EFL1: variants seen among roughly 807,000 people sequenced by gnomAD.
EFL1 encodes the protein elongation factor-like GTPase 1.
In EFL1, 76 loss-of-function variants were observed where a neutral mutation model predicts 126.7. The observed-to-expected ratio is 0.60, with a 90% CI of 0.50 to 0.73. The LOEUF is 0.73. Among genes scored for constraint, EFL1 ranks in the 30% least tolerant of loss-of-function variants. The pLI is 0.00. For missense variants in EFL1, 1,128 were observed against 1,343.2 expected (o/e 0.84, Z 2.50); for synonymous variants, 410 against 448.4 (o/e 0.91, Z 1.08).
intron 7 of EFL1, among the ~76,000 whole-genome samples, chr15:82,236,823 C>T (rs1401339730): frequency 1.3e-5 from 2 of 152,160 alleles, no homozygotes; most frequent in African/African-American, 4.8e-5. Context: ...AAATGATAAA[C>T]GAAACTTCAG....
rs191202014 is a variant in EFL1 at position 82,209,721 on chromosome 15, A to G, written c.1750+4996T>C. 2.4e-3 allele frequency among the ~76,000 whole-genome samples: 359 copies of G among 152,358 alleles called. 3 individuals are homozygous for G. Among genetic ancestry groups the G allele is most frequent in the African/African-American group, 8.4e-3 (348 of 41,600 alleles). ...ACCAACTTTATAAACATCAGGTTAG[A>G]ATTAAATAACTTTAAACTTTAAATC... is the stretch of plus-strand genomic sequence containing the variant. On this transcript the variant is annotated intron_variant, in intron 15 of 19. Coordinates refer to ENST00000268206, the MANE Select transcript of EFL1 (RefSeq NM_024580.6).
At chr15:82,150,867 T>C (rs1025443503) in intron 18 of EFL1, among the ~76,000 whole-genome samples, 1 of 152,236 alleles carries the variant, frequency 6.6e-6, no homozygotes, top group East Asian at 1.9e-4. Context: ...AGATAAAATA[T>C]GGCACAGGTT....
intron 15 of EFL1, among the ~76,000 whole-genome samples, chr15:82,198,570 G>A (rs536809820): frequency 2.0e-5 from 3 of 152,272 alleles, no homozygotes; most frequent in East Asian, 3.9e-4. Context: ...CCCACAGATA[G>A]AGAAGAGGGC....
chr15:82,143,083 T>C (rs2073806287), intron 18 of EFL1, among the ~76,000 whole-genome samples: 1 of 152,232 alleles, frequency 6.6e-6, no homozygotes. Context: ...ATGTTGTTTT[T>C]TTCAGAATTT....
chr15:82,254,331 T>A (rs768643269), intron 3 of EFL1, among the ~76,000 whole-genome samples: 4 of 152,200 alleles, frequency 2.6e-5, no homozygotes, highest in Non-Finnish European at 5.9e-5. Flanking sequence ...CAGTCAGTCC[T>A]TCCTTCAGAA....
At chr15:82,209,517 T>C (rs2074562472) in intron 15 of EFL1, among the ~76,000 whole-genome samples, 1 of 152,180 alleles carries the variant, frequency 6.6e-6, no homozygotes, top group African/African-American at 2.4e-5. Flanking sequence ...TTTAACCATA[T>C]GGAAGAGATC....
In EFL1 at chr15:82,143,351, T is replaced by C. The variant is rs2073809250; in HGVS notation, c.2990-4509A>G. ...TACAGTTATGCAAAATGTACTATTA[T>C]GGACAAGGGTTGTAAAAGAAAATGG... On this transcript the variant is annotated intron_variant, in intron 18 of 19. Transcript: ENST00000268206. Among the ~76,000 whole-genome samples, 3 of 152,220 alleles carry C rather than the reference T, an allele frequency of 2.0e-5. No individual in the cohort carries two copies. In the South Asian group the frequency reaches 6.2e-4, roughly 32 times the overall value.
chr15:82,154,880 G>A (rs1286298207), intron 17 of EFL1, among the ~76,000 whole-genome samples: 2 of 152,134 alleles, frequency 1.3e-5, no homozygotes, highest in Non-Finnish European at 2.9e-5. Context: ...TCTTGCCTCA[G>A]CTTCCTGAGT....
At chr15:82,235,142 C>A (rs1315204176) in intron 7 of EFL1, among the ~76,000 whole-genome samples, 1 of 152,148 alleles carries the variant, frequency 6.6e-6, no homozygotes, top group Non-Finnish European at 1.5e-5. Flanking sequence ...ATCTTAATAT[C>A]AACTCTGCCT....
At chr15:82,220,452 C>T (rs188201098) in intron 12 of EFL1, among the ~76,000 whole-genome samples, 80 of 152,256 alleles carry the variant, frequency 5.3e-4, no homozygotes, top group Non-Finnish European at 1.0e-3. Flanking sequence ...ATGCAAGAGC[C>T]CAAGTCCCCA....
chr15:82,258,585 C>T (rs1028914706), intron 3 of EFL1, among the ~76,000 whole-genome samples: 7 of 152,176 alleles, frequency 4.6e-5, no homozygotes, highest in Admixed American at 1.3e-4. Context: ...CCACTATTTT[C>T]ATCACAATCC....
intron 15 of EFL1, among the ~76,000 whole-genome samples, chr15:82,192,463 G>A (rs1162532116): frequency 6.6e-6 from 1 of 151,764 alleles, no homozygotes; most frequent in Non-Finnish European, 1.5e-5. Context: ...AAAACGTATG[G>A]AACCTACCGA....
intron 3 of EFL1, among the ~76,000 whole-genome samples, chr15:82,258,314 T>C (rs2075083689): frequency 6.6e-6 from 1 of 152,180 alleles, no homozygotes; most frequent in South Asian, 2.1e-4. Flanking sequence ...ATTCCAGCAC[T>C]TTGGGAAGTC....
chr15:82,203,469 G>A (rs1308212120), intron 15 of EFL1, among the ~76,000 whole-genome samples: 3 of 152,058 alleles, frequency 2.0e-5, no homozygotes, highest in Non-Finnish European at 2.9e-5. Context: ...TCTGCCTTCC[G>A]GGTTCAAGCA....
chr15:82,233,784 C>T (rs965522339), intron 7 of EFL1: 3 of 152,158 alleles, frequency 2.0e-5, no homozygotes, highest in African/African-American at 7.2e-5. Flanking sequence ...TAATCCTTTC[C>T]CACTGCAGAG....
intron 7 of EFL1, among the ~76,000 whole-genome samples, chr15:82,238,087 G>A (rs1488773239): frequency 4.6e-5 from 7 of 152,090 alleles, no homozygotes; most frequent in South Asian, 2.1e-4. Flanking sequence ...GTATATTGAC[G>A]GCAAATGGCA....
intron 12 of EFL1, among the ~76,000 whole-genome samples, chr15:82,221,693 C>T (rs1567069131): frequency 6.6e-6 from 1 of 152,178 alleles, no homozygotes; most frequent in African/African-American, 2.4e-5. Flanking sequence ...TTGAGCCTGG[C>T]TTGGTCAGGT....
intron 15 of EFL1, among the ~76,000 whole-genome samples, chr15:82,192,290 C>T (rs1483504440): frequency 1.3e-5 from 2 of 151,626 alleles, no homozygotes; most frequent in Non-Finnish European, 2.9e-5. Context: ...ATCCCAGCTA[C>T]TCGGGAGGCT....
chr15:82,159,428 T>C lies in EFL1; in HGVS notation c.1883-1568A>G, dbSNP rs1309385751. Among the ~76,000 whole-genome samples, 3 of 151,664 alleles carry C rather than the reference T, an allele frequency of 2.0e-5. No homozygotes were observed. In the East Asian group the frequency reaches 5.8e-4, roughly 29 times the overall value. ...AAAAATATATACACACTTAAATCTG[T>C]CTCTTCAAGGTAAAATAAAGGTAAC... On this transcript the variant is annotated intron_variant, in intron 16 of 19. Transcript: ENST00000268206.
Sources: gnomAD v4.1 joint callset for allele counts (sites outside exome capture counted in the v4.1 genomes callset) on GRCh38, gnomAD v4.1.1 for gene constraint, MANE v1.5 for transcripts, NCBI Gene and HGNC (gene_info 2026-07-23, HGNC 2026-07-21) for gene names.